The following ATP2A1 variants were observed in gnomAD, a reference collection of about 807,000 sequenced individuals.
ATP2A1 encodes sarcoplasmic/endoplasmic reticulum calcium ATPase 1.
ATP2A1 carries 83 observed loss-of-function variants against 109.5 expected under a neutral mutation model. The ratio of observed to expected loss-of-function variants is 0.76; its 90% CI spans 0.63 to 0.91. The LOEUF is 0.91. Among genes scored for constraint, ATP2A1 ranks in the 40% least tolerant of loss-of-function variants. The probability of loss-of-function intolerance (pLI) is 0.00; values close to 1 mark genes in which losing one functional copy is unlikely to be tolerated. For synonymous variants in ATP2A1, 505 were observed against 537.6 expected, an observed-to-expected ratio of 0.94 and a Z score of 0.84; for missense variants, 1,101 against 1,341.0, an observed-to-expected ratio of 0.82 and a Z score of 2.80.
Position 28,880,092 on chromosome 16 carries a change from C to T in ATP2A1, c.219+509C>T. On this transcript the variant is annotated intron_variant, in intron 3 of 22. Coordinates refer to ENST00000395503, the MANE Select transcript of ATP2A1 (RefSeq NM_004320.6). This position sits in a 1 kb window ranked among gnomAD's most constrained non-coding sequence, Gnocchi z 4.2. ...ATGATGACTCCAAGGAGCCCGGCGC[C>T]CGGTCAGGGAGGGCACTGGCATCCC... 8 of 996,670 alleles carry T rather than the reference C, an allele frequency of 8.0e-6. No individual in the cohort carries two copies. The highest frequency in any genetic ancestry group is 9.5e-6 in the Non-Finnish European group (8 of 838,884). The allele number at this position is 996,670 out of a possible 1,614,324, so 61.7% of individuals were successfully genotyped here.
In ATP2A1 at chr16:28,901,797, A is replaced by G. The variant is rs180924171; in HGVS notation, c.2101-66A>G. The G allele has an allele frequency of 1.7e-4, 239 of 1,415,240 alleles. 2 individuals are homozygous for G. In the East Asian group the frequency reaches 3.7e-3, roughly 22 times the overall value. 87.7% of individuals were successfully genotyped at this position (1,415,240 alleles called of 1,614,324 possible). ...CAGAGTGAGACCTCATCCCTAAAAT[A>G]AAACCTTTTTTAAAAAGGAGGGATG... On this transcript the variant is annotated intron_variant, in intron 15 of 22. Coordinates refer to ENST00000395503, the MANE Select transcript of ATP2A1 (RefSeq NM_004320.6).
In ATP2A1 at chr16:28,883,380, G is replaced by T. The variant is rs998279289; in HGVS notation, c.463+791G>T. On this transcript the variant is annotated intron_variant, in intron 5 of 22. Coordinates refer to ENST00000395503, the MANE Select transcript of ATP2A1 (RefSeq NM_004320.6). The surrounding 1 kb of genome is among the most constrained non-coding windows in gnomAD (Gnocchi z 5.2). ...CGCCCCATCACAGGGCAGCCTTGCC[G>T]CCGTGACAGCATGGAGTCAGCGCCA... 6.6e-6 allele frequency among the ~76,000 whole-genome samples: 1 copy of T among 152,200 alleles called. No individual in the cohort carries two copies. The highest frequency in any genetic ancestry group is 2.4e-5 in the African/African-American group (1 of 41,462).
chr16:28,882,455 G>A lies in ATP2A1; in HGVS notation c.329G>A (p.Arg110Gln), dbSNP rs768820110. The stretch of plus-strand genomic sequence containing the variant: ...TCCTCCACCCTGTCTCCTCAGGAGC[G>A]GAACGCAGAGAACGCCATCGAGGCC... ...ANAIVGVWQE[R>Q]NAENAIEALK... is the part of the protein sequence containing the mutation. Residue 110 changes from arginine to glutamine, a missense_variant, in exon 5 of 23, where the codon CGG (arginine) becomes CAG (glutamine). Arg to Gln is a conservative substitution (Grantham distance 43). Coordinates refer to ENST00000395503, the MANE Select transcript of ATP2A1 (RefSeq NM_004320.6). 29 of 1,614,030 alleles carry A rather than the reference G, an allele frequency of 1.8e-5. No homozygotes were observed. The Middle Eastern group carries it at 4.9e-4, about 27-fold the overall frequency.
In ATP2A1 at chr16:28,903,204, C is replaced by T. The variant is rs530919434; in HGVS notation, c.2862+57C>T. On this transcript the variant is annotated intron_variant, in intron 20 of 22. Coordinates refer to ENST00000395503, the MANE Select transcript of ATP2A1 (RefSeq NM_004320.6). The surrounding 1 kb of genome is among the most constrained non-coding windows in gnomAD (Gnocchi z 5.6). ...CCAGCACTGGGGAGCCCACGGCGGGCCCATGACCACTCCCACCAGGGGCGC... is the reference window on the plus strand; with the variant it reads ...CCAGCACTGGGGAGCCCACGGCGGGTCCATGACCACTCCCACCAGGGGCGC... 4 of 1,596,300 alleles carry T rather than the reference C, an allele frequency of 2.5e-6. No homozygotes were observed. In the East Asian group the frequency reaches 8.9e-5, roughly 36 times the overall value.
chr16:28,891,060 C>T (rs568091039), intron 9 of ATP2A1, among the ~76,000 whole-genome samples: 5 of 152,058 alleles, frequency 3.3e-5, no homozygotes, highest in Non-Finnish European at 7.4e-5. Flanking sequence ...CTTTGGGAGA[C>T]CGAGGTGGGT....
rs141453876 is a variant in ATP2A1, at chr16:28,894,934, G to A, written c.1400G>A (p.Arg467Lys). ...GTGAGAAGCCTCTCGAAGGTGGAGA[G>A]AGCCAACGCCTGCAACTCGGTGAGC... ...TDVRSLSKVERANACNSVIRQ... is the reference protein window; with the variant it reads ...TDVRSLSKVEKANACNSVIRQ... The change falls in exon 12 of 23, where the codon AGA becomes AAA. Residue 467 changes from arginine (R) to lysine (K), a missense_variant. Arg to Lys is a conservative substitution (Grantham distance 26). Transcript: ENST00000395503. 26 of 1,612,164 alleles carry A rather than the reference G, an allele frequency of 1.6e-5. No homozygotes were observed. Among genetic ancestry groups the A allele is most frequent in the South Asian group, 2.2e-5 (2 of 91,082 alleles).
intron 14 of ATP2A1, among the ~76,000 whole-genome samples, chr16:28,899,993 A>G (rs1426077598): frequency 6.7e-6 from 1 of 150,332 alleles, no homozygotes; most frequent in Non-Finnish European, 1.5e-5. Context: ...AAAAACAAAA[A>G]AAAGGAAAGA....
At chr16:28,897,899 C>T in intron 12 of ATP2A1, 101 bp from the exon 13 acceptor site, 2 of 1,466,072 alleles carry the variant, frequency 1.4e-6, no homozygotes, top group Non-Finnish European at 1.9e-6. Flanking sequence ...AGGGACCAGA[C>T]TTAGTGTTAG....
chr16:28,881,097 C>A, intron 4 of ATP2A1, 78 bp downstream of exon 4: 1 of 1,361,262 alleles, frequency 7.3e-7, no homozygotes, highest in Non-Finnish European at 1.1e-6. Context: ...TCTCCTCCTC[C>A]TCCATCACCT....
intron 3 of ATP2A1, chr16:28,879,896 A>C (rs1036183947): frequency 1.2e-5 from 9 of 726,836 alleles, no homozygotes; most frequent in African/African-American, 5.8e-5. Flanking sequence ...TCCCGCCGCG[A>C]TGCCGGCTGC....
Position 28,894,197 on chromosome 16 carries a change from A to C in ATP2A1, c.1138A>C (p.Asn380His). ...DKVDGDICLL[N>H]EFSITGSTYA... is the part of the protein sequence containing the mutation. Reference sequence around the variant, plus strand: ...GGTGGATGGGGACATCTGCCTCCTGAATGAGTTCTCCATCACCGGCTCCAC... The same window carrying C: ...GGTGGATGGGGACATCTGCCTCCTGCATGAGTTCTCCATCACCGGCTCCAC... The change falls in exon 10 of 23, where the codon AAT (asparagine) becomes CAT (histidine). Residue 380 changes from asparagine to histidine, a missense_variant. By Grantham distance (68) the Asn-to-His change is moderately conservative. Transcript: ENST00000395503. The C allele has an allele frequency of 1.2e-6, 2 of 1,613,872 alleles. No individual in the cohort carries two copies. The highest frequency in any genetic ancestry group is 2.2e-5 in the South Asian group (2 of 91,050).
In ATP2A1 at chr16:28,880,860, CTCCA is replaced by C; in HGVS notation, c.220-52_220-49del. On this transcript the variant is annotated intron_variant, in intron 3 of 22. Coordinates refer to ENST00000395503, the MANE Select transcript of ATP2A1 (RefSeq NM_004320.6). The surrounding 1 kb of genome is among the most constrained non-coding windows in gnomAD (Gnocchi z 4.2). The stretch of plus-strand genomic sequence containing the variant: ...CCCTTTGCAGTGGTCCACTTCCTTT[CTCCA>C]TCTGTTTTGGGGCCTCATTACCTGT... 6.6e-7 allele frequency: 1 copy of C among 1,512,614 alleles called. No individual in the cohort carries two copies. Among genetic ancestry groups the C allele is most frequent in the East Asian group, 2.3e-5 (1 of 44,388 alleles). 93.7% of individuals were successfully genotyped at this position (1,512,614 alleles called of 1,614,324 possible).
chr16:28,889,907 G>A (rs1308679701), intron 9 of ATP2A1, among the ~76,000 whole-genome samples: 1 of 152,192 alleles, frequency 6.6e-6, no homozygotes, highest in Non-Finnish European at 1.5e-5. Flanking sequence ...ACTTTGGGAG[G>A]CCAAGATAGG....
At chr16:28,881,144 G>C in intron 4 of ATP2A1, 125 bp downstream of exon 4, 1 of 961,130 alleles carries the variant, frequency 1.0e-6, no homozygotes, top group Non-Finnish European at 1.7e-6. Flanking sequence ...CCTATCCCCT[G>C]GTCTGGAATG....
intron 9 of ATP2A1, among the ~76,000 whole-genome samples, chr16:28,890,984 G>A (rs1309018205): frequency 6.6e-6 from 1 of 151,858 alleles, no homozygotes; most frequent in African/African-American, 2.4e-5. Context: ...ACTGCGCCCG[G>A]CCAGGATTCT....
rs200730714 is a variant in ATP2A1, at chr16:28,888,975, G to A, written c.1095+22G>A. On this transcript the variant is annotated intron_variant, in intron 9 of 22. Coordinates refer to ENST00000395503, the MANE Select transcript of ATP2A1 (RefSeq NM_004320.6). The stretch of plus-strand genomic sequence containing the variant: ...CAAGGTCAGGAGCAGTGTGGGCAGC[G>A]CGCTCAGTCAGAAGGCTGCCTGTGG... 6.2e-4 allele frequency: 994 copies of A among 1,613,718 alleles called. 3 individuals are homozygous for A. The highest frequency in any genetic ancestry group is 7.8e-4 in the Non-Finnish European group (917 of 1,179,956).
At chr16:28,887,841 C>T in intron 8 of ATP2A1, 119 bp downstream of exon 8, 2 of 1,349,728 alleles carry the variant, frequency 1.5e-6, no homozygotes, top group Non-Finnish European at 2.1e-6. Context: ...TGCTCTGTCA[C>T]CCAGGCTGGA....
chr16:28,890,328 T>A (rs1464269826), intron 9 of ATP2A1, among the ~76,000 whole-genome samples: 1 of 144,886 alleles, frequency 6.9e-6, no homozygotes. Flanking sequence ...TAGCCTGATG[T>A]GGTGGTGCAC....
chr16:28,880,036 G>T lies in ATP2A1; in HGVS notation c.219+453G>T. 4 of 1,004,554 alleles carry T rather than the reference G, an allele frequency of 4.0e-6. No homozygotes were observed. Among genetic ancestry groups the T allele is most frequent in the Non-Finnish European group, 4.7e-6 (4 of 844,734 alleles). 62.2% of individuals were successfully genotyped at this position (1,004,554 alleles called of 1,614,324 possible). On this transcript the variant is annotated intron_variant, in intron 3 of 22. Transcript: ENST00000395503. The surrounding 1 kb of genome is among the most constrained non-coding windows in gnomAD (Gnocchi z 4.2). ...CGCTGATTGGTCGAGGGGAGGACTC[G>T]CTCCTAGTGGCGGGAAAGCGCGGCG...
Sources: allele counts gnomAD v4.1 joint callset (sites outside exome capture counted in the v4.1 genomes callset), GRCh38; gene constraint gnomAD v4.1.1; non-coding constraint Gnocchi (gnomAD v3.1); transcripts MANE v1.5; gene names NCBI Gene and HGNC (gene_info 2026-07-23, HGNC 2026-07-21).